The following CBLB variants were observed in gnomAD, a reference collection of about 807,000 sequenced individuals.
The protein encoded by CBLB is E3 ubiquitin-protein ligase CBL-B.
In CBLB, 31 loss-of-function variants were observed where a neutral mutation model predicts 104.9. The ratio of observed to expected loss-of-function variants is 0.30; its 90% confidence interval spans 0.22 to 0.40. CBLB has a LOEUF of 0.40. Ranked by LOEUF, CBLB falls within the 10% of genes least tolerant of loss-of-function variation. The pLI is 1.00. For missense variants in CBLB, 1,062 were observed against 1,214.6 expected, an observed-to-expected ratio of 0.87 and a Z score of 1.87; for synonymous variants, 440 against 422.6, an observed-to-expected ratio of 1.04 and a Z score of -0.51.
At chr3:105,840,921 A>C (rs956293794) in intron 3 of CBLB, among the ~76,000 whole-genome samples, 3 of 152,054 alleles carry the variant, frequency 2.0e-5, no homozygotes, top group Non-Finnish European at 4.4e-5. Context: ...TTAAAGGATA[A>C]TGAGCTTGAA....
chr3:105,865,144 T>C (rs2092351434), intron 2 of CBLB, among the ~76,000 whole-genome samples: 1 of 152,114 alleles, frequency 6.6e-6, no homozygotes, highest in South Asian at 2.1e-4. Flanking sequence ...ATCAGGACAA[T>C]GTTGATATTA....
chr3:105,863,555 A>G (rs989003980), intron 2 of CBLB, among the ~76,000 whole-genome samples: 3 of 152,226 alleles, frequency 2.0e-5, no homozygotes, highest in African/African-American at 7.2e-5. Flanking sequence ...GATATGAGGA[A>G]CTCAGCTTAG....
intron 18 of CBLB, among the ~76,000 whole-genome samples, chr3:105,665,407 A>AT (rs376254293): frequency 0.15 from 6,593 of 44,062 alleles, 243 homozygotes; most frequent in South Asian, 0.28. Context: ...ATAAATAAAT[A>AT]AATAAATAAA....
intron 2 of CBLB, among the ~76,000 whole-genome samples, chr3:105,866,183 A>G (rs758414863): frequency 6.6e-6 from 1 of 152,212 alleles, no homozygotes; most frequent in African/African-American, 2.4e-5. Context: ...CTGGCTCTGC[A>G]TTTAGCACCA....
At position 105,657,399 on chromosome 3, in the gene CBLB, C is replaced by T. The variant is rs2063419496; in HGVS notation, c.*1571G>A. The T allele has an allele frequency of 4.7e-6, 1 of 213,646 alleles. No homozygotes were observed. The highest frequency in any genetic ancestry group is 9.4e-6 in the Non-Finnish European group (1 of 105,858). 13.2% of individuals were successfully genotyped at this position (213,646 alleles called of 1,614,324 possible). The stretch of plus-strand genomic sequence containing the variant: ...ATATTTAGAAAACTTTCTGTGGGTT[C>T]AAGCATTTACACAGAGATGATTTTA... On this transcript the variant is annotated 3_prime_UTR_variant, in exon 19 of 19. Transcript: ENST00000394030.
rs980599237 is a variant in CBLB, at chr3:105,657,141, CA to C, written c.*1828del. 4 of 224,478 alleles carry C rather than the reference CA, an allele frequency of 1.8e-5. No individual in the cohort carries two copies. Among genetic ancestry groups the C allele is most frequent in the East Asian group, 6.4e-5 (1 of 15,572 alleles). The allele number at this position is 224,478 out of a possible 1,614,324, so 13.9% of individuals were successfully genotyped here. A position where few individuals can be genotyped will look rare whatever the true frequency, so the allele number is the denominator to read the frequency against. On this transcript the variant is annotated 3_prime_UTR_variant, in exon 19 of 19. Coordinates refer to ENST00000394030, the MANE Select transcript of CBLB (RefSeq NM_170662.5). ...TCTCATACCATGAAAGCCAGACTGT[CA>C]AAAAAAGGGCACATGTCACTTTGCA...
intron 3 of CBLB, among the ~76,000 whole-genome samples, chr3:105,851,438 A>T (rs544151292): frequency 6.6e-6 from 1 of 152,220 alleles, no homozygotes; most frequent in Admixed American, 6.5e-5. Context: ...ACAATTCTAT[A>T]TAACACTGTA....
intron 17 of CBLB, chr3:105,672,335 A>G (rs1402093907): frequency 1.1e-5 from 2 of 180,280 alleles, no homozygotes; most frequent in Non-Finnish European, 2.4e-5. Context: ...TAGCAAAAAT[A>G]CCTGCTTATG....
intron 17 of CBLB, 77 bp downstream of exon 17, chr3:105,678,338 GAGACTAATGAATCACT>G: frequency 8.0e-7 from 1 of 1,246,518 alleles, no homozygotes; most frequent in Non-Finnish European, 1.2e-6. Context: ...TAGGGAGGTA[GAGACTAATGAATCACT>G]AACATTTATT....
In CBLB at chr3:105,868,893, G is replaced by A. The variant is rs1706660549; in HGVS notation, c.-172C>T. On this transcript the variant is annotated 5_prime_UTR_variant, in exon 1 of 19. In the 5' UTR this introduces an upstream ATG that the reference lacks. Coordinates refer to ENST00000394030, the MANE Select transcript of CBLB (RefSeq NM_170662.5). ...AACCCAGCGCGCAGGCCTCCGAGAC[G>A]TGGAAACGCAACAATTACCGTCAAG... 1 of 1,014,966 alleles carries A rather than the reference G, an allele frequency of 9.9e-7. No homozygotes were observed. Among genetic ancestry groups the A allele is most frequent in the African/African-American group, 1.7e-5 (1 of 57,506 alleles). 62.9% of individuals were successfully genotyped at this position (1,014,966 alleles called of 1,614,324 possible). A position where few individuals can be genotyped will look rare whatever the true frequency, so the allele number is the denominator to read the frequency against.
chr3:105,773,908 A>C (rs2079157266), intron 4 of CBLB, among the ~76,000 whole-genome samples: 1 of 152,246 alleles, frequency 6.6e-6, no homozygotes, highest in Admixed American at 6.5e-5. Flanking sequence ...CTTGGGCCAC[A>C]AGGCAGGCAG....
intron 8 of CBLB, among the ~76,000 whole-genome samples, chr3:105,735,769 A>C (rs1364952156): frequency 6.6e-6 from 1 of 152,202 alleles, no homozygotes; most frequent in Non-Finnish European, 1.5e-5. Context: ...AACATGGAGA[A>C]ACCCCATCTC....
chr3:105,748,441 G>A lies in CBLB; in HGVS notation c.724-2403C>T, dbSNP rs550744342. 8.5e-5 allele frequency among the ~76,000 whole-genome samples: 13 copies of A among 152,184 alleles called. No individual in the cohort carries two copies. In the South Asian group the frequency reaches 1.0e-3, roughly 12 times the overall value. ...ATAGGATATTCTACTAAAATACTCC[G>A]TCCTTATCCTGCTACCCCCAAATGT... On this transcript the variant is annotated intron_variant, in intron 5 of 18. Coordinates refer to ENST00000394030, the MANE Select transcript of CBLB (RefSeq NM_170662.5).
intron 6 of CBLB, among the ~76,000 whole-genome samples, chr3:105,743,286 C>T (rs1024752062): frequency 3.3e-5 from 5 of 151,680 alleles, no homozygotes; most frequent in South Asian, 4.2e-4. Context: ...GGCGAAAACC[C>T]GTCTCCACTA....
At chr3:105,778,848 T>G (rs893360185) in intron 3 of CBLB, among the ~76,000 whole-genome samples, 1 of 152,194 alleles carries the variant, frequency 6.6e-6, no homozygotes, top group Non-Finnish European at 1.5e-5. Flanking sequence ...ATGGTAGATA[T>G]AAGATATTGT....
At chr3:105,687,306 G>T (rs1026327946) in intron 13 of CBLB, among the ~76,000 whole-genome samples, 3 of 152,076 alleles carry the variant, frequency 2.0e-5, no homozygotes, top group Non-Finnish European at 2.9e-5. Flanking sequence ...AGTTTCCAAA[G>T]AAGCAGTTCA....
At chr3:105,702,049 C>T in intron 12 of CBLB, 45 bp downstream of exon 12, 1 of 1,611,166 alleles carries the variant, frequency 6.2e-7, no homozygotes, top group Non-Finnish European at 8.5e-7. Context: ...CCATCAGAAG[C>T]ATTTATAAGC....
At chr3:105,714,528 C>T (rs956289407) in intron 10 of CBLB, among the ~76,000 whole-genome samples, 1 of 152,162 alleles carries the variant, frequency 6.6e-6, no homozygotes, top group African/African-American at 2.4e-5. Context: ...CAACCTAGAA[C>T]CCTCCCATGT....
intron 3 of CBLB, among the ~76,000 whole-genome samples, chr3:105,819,514 A>C (rs1357771893): frequency 1.3e-5 from 2 of 152,000 alleles, no homozygotes; most frequent in African/African-American, 4.8e-5. Context: ...AAGAAAGAAA[A>C]ACCATAATGA....
Sources: allele counts gnomAD v4.1 joint callset (sites outside exome capture counted in the v4.1 genomes callset), GRCh38; gene constraint gnomAD v4.1.1; transcripts MANE v1.5; gene names NCBI Gene and HGNC (gene_info 2026-07-23, HGNC 2026-07-21).